Variants in TGFBR2 observed in about 807,000 individuals in gnomAD.
TGFBR2 encodes the protein TGF-beta receptor type-2.
A neutral mutation model predicts 49.0 loss-of-function variants in TGFBR2; 18 were observed. The ratio of observed to expected loss-of-function variants is 0.37; its 90% CI spans 0.25 to 0.54. The LOEUF (loss-of-function observed/expected upper bound fraction) is 0.54. Among genes scored for constraint, TGFBR2 ranks in the 20% least tolerant of loss-of-function variants. The pLI is 0.85. For missense variants in TGFBR2, 525 were observed against 722.6 expected (o/e 0.73, Z 3.13); for synonymous variants, 282 against 275.9 (o/e 1.02, Z -0.22).
chr3:30,608,689 A>G (rs1484104963), intron 1 of TGFBR2, among the ~76,000 whole-genome samples: 2 of 152,216 alleles, frequency 1.3e-5, no homozygotes, highest in Non-Finnish European at 2.9e-5. Context: ...TTTTAATCAA[A>G]TTAGGAAGAG....
chr3:30,613,530 G>C (rs1698070243), intron 1 of TGFBR2, among the ~76,000 whole-genome samples: 1 of 128,116 alleles, frequency 7.8e-6, no homozygotes, highest in East Asian at 2.0e-4. Context: ...GTATGTGAGA[G>C]AGAGAGAGAG....
At chr3:30,635,977 T>C (rs1052275192) in intron 1 of TGFBR2, among the ~76,000 whole-genome samples, 1 of 152,194 alleles carries the variant, frequency 6.6e-6, no homozygotes, top group Non-Finnish European at 1.5e-5. Context: ...AAGTAACTGA[T>C]TCACATGAGG....
chr3:30,646,204 C>G (rs1367164740), intron 2 of TGFBR2, among the ~76,000 whole-genome samples: 1 of 152,176 alleles, frequency 6.6e-6, no homozygotes, highest in Non-Finnish European at 1.5e-5. Context: ...GGAAACCTTG[C>G]AAACTTCTGT....
chr3:30,658,514 T>C (rs567753787), intron 3 of TGFBR2, among the ~76,000 whole-genome samples: 1 of 152,240 alleles, frequency 6.6e-6, no homozygotes, highest in Non-Finnish European at 1.5e-5. Flanking sequence ...AAGTTCAATC[T>C]ATGTGGTTAA....
chr3:30,647,019 G>A (rs57037798), intron 2 of TGFBR2, among the ~76,000 whole-genome samples: 47,061 of 151,886 alleles, frequency 0.31, 7,708 homozygotes, highest in East Asian at 0.68. Flanking sequence ...AAATTCTCCC[G>A]TGAAGCCAGG....
chr3:30,688,716 A>G (rs188482011), intron 6 of TGFBR2, among the ~76,000 whole-genome samples: 1 of 152,358 alleles, frequency 6.6e-6, no homozygotes, highest in East Asian at 1.9e-4. Context: ...GTACTCTGAG[A>G]GTTCACAAAT....
chr3:30,678,546 T>TC (rs370795703), intron 5 of TGFBR2, among the ~76,000 whole-genome samples: 21,308 of 100,600 alleles, frequency 0.21, 3,367 homozygotes, highest in African/African-American at 0.34. Flanking sequence ...AGACTGCGTC[T>TC]AAAAAAAAAA....
chr3:30,681,346 C>A (rs1006325735), intron 5 of TGFBR2, among the ~76,000 whole-genome samples: 1 of 151,948 alleles, frequency 6.6e-6, no homozygotes, highest in African/African-American at 2.4e-5. Context: ...CTCGGGGGTA[C>A]TGCTTTGGGG....
At chr3:30,659,189 A>G (rs1699065877) in intron 3 of TGFBR2, among the ~76,000 whole-genome samples, 1 of 152,218 alleles carries the variant, frequency 6.6e-6, no homozygotes, top group Non-Finnish European at 1.5e-5. Context: ...TTTGTTTCAA[A>G]AGAAACAAAC....
At chr3:30,669,151 A>T (rs1575156371) in intron 3 of TGFBR2, among the ~76,000 whole-genome samples, 1 of 139,342 alleles carries the variant, frequency 7.2e-6, no homozygotes, top group East Asian at 2.2e-4. Flanking sequence ...AAAAAAAAAA[A>T]AGCTGGGCAT....
At chr3:30,612,408 G>C (rs992523789) in intron 1 of TGFBR2, among the ~76,000 whole-genome samples, 2 of 152,164 alleles carry the variant, frequency 1.3e-5, no homozygotes, top group African/African-American at 4.8e-5. Flanking sequence ...TGTTGGGAGG[G>C]AGGCTGAAGA....
At chr3:30,632,807 T>C (rs1215117739) in intron 1 of TGFBR2, among the ~76,000 whole-genome samples, 2 of 152,186 alleles carry the variant, frequency 1.3e-5, no homozygotes, top group African/African-American at 4.8e-5. Context: ...AATCAGGAAA[T>C]GGAGGTTTCA....
At chr3:30,607,813 T>TAATA (rs1491351682) in intron 1 of TGFBR2, among the ~76,000 whole-genome samples, 1 of 137,780 alleles carries the variant, frequency 7.3e-6, no homozygotes, top group South Asian at 2.2e-4. Flanking sequence ...TATATATATA[T>TAATA]TATATATATA....
chr3:30,675,337 C>T (rs1403075998), intron 5 of TGFBR2, among the ~76,000 whole-genome samples: 1 of 151,490 alleles, frequency 6.6e-6, no homozygotes, highest in Non-Finnish European at 1.5e-5. Flanking sequence ...CCTGAGAAAT[C>T]TGTGCACCCA....
chr3:30,663,170 C>G (rs190969141), intron 3 of TGFBR2, among the ~76,000 whole-genome samples: 1 of 151,508 alleles, frequency 6.6e-6, no homozygotes, highest in African/African-American at 2.4e-5. Context: ...GAGTGCTTAG[C>G]TTTCACTCTC....
intron 1 of TGFBR2, among the ~76,000 whole-genome samples, chr3:30,644,244 T>C (rs1365763858): frequency 6.6e-6 from 1 of 152,150 alleles, no homozygotes; most frequent in African/African-American, 2.4e-5. Flanking sequence ...GTGTGGCACT[T>C]CATGACTCTG....
intron 3 of TGFBR2, among the ~76,000 whole-genome samples, chr3:30,659,445 A>T (rs932448163): frequency 6.6e-6 from 1 of 152,058 alleles, no homozygotes; most frequent in Non-Finnish European, 1.5e-5. Context: ...AATAATAAAG[A>T]TTTTGCATGA....
At chr3:30,680,492 A>T (rs1392688449) in intron 5 of TGFBR2, among the ~76,000 whole-genome samples, 1 of 147,410 alleles carries the variant, frequency 6.8e-6, no homozygotes, top group Non-Finnish European at 1.5e-5. Context: ...TTTAAAAAGC[A>T]GTGTCTTTCT....
intron 1 of TGFBR2, among the ~76,000 whole-genome samples, chr3:30,619,308 C>A (rs1019609144): frequency 6.6e-6 from 1 of 152,208 alleles, no homozygotes; most frequent in African/African-American, 2.4e-5. Flanking sequence ...CTTATGGACA[C>A]CCTTTGTTCT....
Sources: allele counts gnomAD v4.1 joint callset (sites outside exome capture counted in the v4.1 genomes callset), GRCh38; gene constraint gnomAD v4.1.1; transcripts MANE v1.5; gene names NCBI Gene and HGNC (gene_info 2026-07-23, HGNC 2026-07-21).